The following SORBS2 variants were observed in gnomAD, a reference collection of about 807,000 sequenced individuals.
SORBS2 encodes sorbin and SH3 domain-containing protein 2.
A neutral mutation model predicts 97.7 loss-of-function variants in SORBS2; 46 were observed. That is an observed-to-expected ratio of 0.47 (90% confidence interval 0.37 to 0.60). The LOEUF is 0.60. Among genes scored for constraint, SORBS2 ranks in the 20% least tolerant of loss-of-function variants. SORBS2 has a pLI of 0.00. For missense variants in SORBS2, 1,316 were observed against 1,282.3 expected (o/e 1.03, Z -0.40); for synonymous variants, 476 against 473.4 (o/e 1.01, Z -0.07).
At chr4:185,625,553 G>T (rs1488367697) in intron 6 of SORBS2, among the ~76,000 whole-genome samples, 1 of 152,212 alleles carries the variant, frequency 6.6e-6, no homozygotes, top group East Asian at 1.9e-4. Flanking sequence ...TCCCTGTGAT[G>T]AAACAAATAT....
chr4:185,880,708 G>A (rs186629576), intron 1 of SORBS2, among the ~76,000 whole-genome samples: 18 of 152,312 alleles, frequency 1.2e-4, no homozygotes, highest in African/African-American at 4.3e-4. Flanking sequence ...CTTAGGACCA[G>A]TGGCCTTTCC....
intron 2 of SORBS2, among the ~76,000 whole-genome samples, chr4:185,700,716 A>G (rs939114882): frequency 7.2e-5 from 11 of 152,196 alleles, no homozygotes; most frequent in African/African-American, 2.7e-4. Context: ...TCCTAGAAAT[A>G]AGGGGTTTAA....
intron 1 of SORBS2, among the ~76,000 whole-genome samples, chr4:185,861,902 T>A (rs1419051672): frequency 6.6e-6 from 1 of 152,158 alleles, no homozygotes; most frequent in Non-Finnish European, 1.5e-5. Context: ...CAGCCCTGAC[T>A]TCTATTTTAT....
upstream of SORBS2, among the ~76,000 whole-genome samples, chr4:185,660,152 T>C (rs1350140725): frequency 6.6e-6 from 1 of 152,232 alleles, no homozygotes. Context: ...ATGTAAAATC[T>C]ACTTATCAAT....
In SORBS2 at chr4:185,684,656, G is replaced by T; in HGVS notation, c.-197-5834C>A. 2.3e-6 allele frequency: 2 copies of T among 866,004 alleles called. No individual in the cohort carries two copies. Among genetic ancestry groups the T allele is most frequent in the Non-Finnish European group, 3.6e-6 (2 of 556,074 alleles). 53.6% of individuals were successfully genotyped at this position (866,004 alleles called of 1,614,324 possible). On this transcript the variant is annotated intron_variant, in intron 2 of 20. Transcript: ENST00000284776. The surrounding 1 kb of genome is among the most constrained non-coding windows in gnomAD (Gnocchi z 4.2). ...TACACATTTAAAATGTTTCCTACAA[G>T]ATCTCATTTTCCTTTGCTTTTTACG...
intron 2 of SORBS2, among the ~76,000 whole-genome samples, chr4:185,755,289 C>A (rs962110113): frequency 2.6e-5 from 4 of 152,226 alleles, no homozygotes; most frequent in African/African-American, 9.6e-5. Flanking sequence ...GCAAGCACAG[C>A]CAATTCACTG....
chr4:185,878,618 G>A (rs2099234999), intron 1 of SORBS2, among the ~76,000 whole-genome samples: 2 of 152,086 alleles, frequency 1.3e-5, no homozygotes, highest in South Asian at 2.1e-4. Flanking sequence ...CCACTCAAGC[G>A]GATCTGGTCT....
intron 4 of SORBS2, among the ~76,000 whole-genome samples, chr4:185,673,049 A>C (rs2097737432): frequency 6.6e-6 from 1 of 152,196 alleles, no homozygotes; most frequent in South Asian, 2.1e-4. Flanking sequence ...AAAAAGATGG[A>C]TGTCCTGCCA....
intron 1 of SORBS2, among the ~76,000 whole-genome samples, chr4:185,888,793 T>C (rs4862587): frequency 0.51 from 78,127 of 152,040 alleles, 21,140 homozygotes; most frequent in East Asian, 0.71. Flanking sequence ...CAACTCCTCC[T>C]CTGAACACTC....
Position 185,944,920 on chromosome 4 carries a change from T to C in SORBS2, c.-338+11276A>G, listed in dbSNP as rs537449388. Reference sequence around the variant, plus strand: ...CAAACCCTGTTACAAAACCACTCTGTCACTGAATTTCTCCAATGCAGCAGC... The same window carrying C: ...CAAACCCTGTTACAAAACCACTCTGCCACTGAATTTCTCCAATGCAGCAGC... On this transcript the variant is annotated intron_variant, in intron 1 of 20. Transcript: ENST00000284776. Among the ~76,000 whole-genome samples the C allele has an allele frequency of 2.6e-4, 40 of 152,222 alleles. 1 individual carries two copies. Among genetic ancestry groups the C allele is most frequent in the Admixed American group, 2.6e-3 (39 of 15,284 alleles).
In SORBS2 at chr4:185,678,416, G is replaced by A. The variant is rs1222503845; in HGVS notation, c.-46+7C>T. The A allele has an allele frequency of 9.7e-6, 15 of 1,548,846 alleles. No homozygotes were observed. Among genetic ancestry groups the A allele is most frequent in the South Asian group, 7.2e-5 (6 of 83,496 alleles). On this transcript the variant is annotated splice_region_variant and intron_variant, in intron 4 of 20. Transcript: ENST00000284776. ...ATAATGCAGTAGCCAAGAGTGTGCA[G>A]GGTTACCTGAGTTGGTGATCTTTTA...
intron 1 of SORBS2, among the ~76,000 whole-genome samples, chr4:185,916,360 G>A (rs2099258140): frequency 6.6e-6 from 1 of 152,190 alleles, no homozygotes; most frequent in South Asian, 2.1e-4. Context: ...AGAGGTGGGA[G>A]CATGGCTTGC....
chr4:185,942,543 G>T (rs891367019), intron 1 of SORBS2, among the ~76,000 whole-genome samples: 1 of 152,018 alleles, frequency 6.6e-6, no homozygotes, highest in African/African-American at 2.4e-5. Context: ...TAGAGCTGGG[G>T]TTTCACCATG....
intron 2 of SORBS2, among the ~76,000 whole-genome samples, chr4:185,727,883 C>T (rs1215812837): frequency 6.6e-6 from 1 of 152,130 alleles, no homozygotes; most frequent in Non-Finnish European, 1.5e-5. Context: ...TTTATGTTTT[C>T]TTTGATGACT....
In SORBS2 at chr4:185,627,083, A is replaced by G. The variant is rs1383734408; in HGVS notation, c.447-64T>C. On this transcript the variant is annotated intron_variant, in intron 5 of 14. Coordinates refer to ENST00000418609, the Ensembl canonical transcript of SORBS2. Reference sequence around the variant, plus strand: ...GGAGGTTCGGGTGTGCACCAGAAAAACCGGTGGAACGTGCTAGTGACAATG... The same window carrying G: ...GGAGGTTCGGGTGTGCACCAGAAAAGCCGGTGGAACGTGCTAGTGACAATG... The G allele has an allele frequency of 3.4e-6, 5 of 1,452,712 alleles. No homozygotes were observed. The Admixed American group carries it at 8.4e-5, about 24-fold the overall frequency. The allele number at this position is 1,452,712 out of a possible 1,614,324, so 90.0% of individuals were successfully genotyped here. A position where few individuals can be genotyped will look rare whatever the true frequency, so the allele number is the denominator to read the frequency against.
intron 1 of SORBS2, among the ~76,000 whole-genome samples, chr4:185,909,887 G>C (rs1384461264): frequency 2.0e-5 from 3 of 151,602 alleles, no homozygotes; most frequent in Non-Finnish European, 4.4e-5. Flanking sequence ...AGGAGGATGA[G>C]GCAGGAGAAT....
At position 185,791,869 on chromosome 4, in the gene SORBS2, G is replaced by T. The variant is rs374011826; in HGVS notation, c.-337-16503C>A. On this transcript the variant is annotated intron_variant, in intron 1 of 20. Coordinates refer to the SORBS2 transcript ENST00000284776. ...TTAAACTCCATGTGAACTGTATTTG[G>T]TTCCAAAGTAGAGCTAATCATTCTT... Among the ~76,000 whole-genome samples the T allele has an allele frequency of 6.2e-4, 94 of 152,166 alleles. 1 individual carries two copies. The highest frequency in any genetic ancestry group is 2.2e-3 in the African/African-American group (90 of 41,520).
rs113343609 is a variant in SORBS2, at chr4:185,897,775, G to A, written c.-338+58421C>T. Among the ~76,000 whole-genome samples, 1,304 of 152,224 alleles carry A rather than the reference G, an allele frequency of 8.6e-3. 26 individuals carry two copies. Among genetic ancestry groups the A allele is most frequent in the African/African-American group, 0.03 (1,242 of 41,534 alleles). On this transcript the variant is annotated intron_variant, in intron 1 of 20. Transcript: ENST00000284776. ...AGTTAGGCTGGGTGCAGTGGCTCAC[G>A]CCTGTAATCCCAGCACTTTGGGAGG...
chr4:185,600,396 TGGCACA>T, intron 12 of SORBS2, among the ~76,000 whole-genome samples: 1 of 152,218 alleles, frequency 6.6e-6, no homozygotes, highest in Non-Finnish European at 1.5e-5. Flanking sequence ...TGGAGTGCAA[TGGCACA>T]GTCTCGGCTC....
Sources: gnomAD v4.1 joint callset for allele counts (sites outside exome capture counted in the v4.1 genomes callset) on GRCh38, gnomAD v4.1.1 for gene constraint, Gnocchi (gnomAD v3.1) non-coding constraint, MANE v1.5 for transcripts, NCBI Gene and HGNC (gene_info 2026-07-23, HGNC 2026-07-21) for gene names.